The following E2F7 variants were observed in gnomAD, a reference collection of about 807,000 sequenced individuals.
The protein encoded by E2F7 is E2F transcription factor 7.
A neutral mutation model predicts 81.1 loss-of-function variants in E2F7; 35 were observed. That is an observed-to-expected ratio of 0.43 (90% CI 0.33 to 0.57). The LOEUF (loss-of-function observed/expected upper bound fraction) is 0.57. E2F7 is among the 20% of genes least tolerant of loss of function. The pLI is 0.04. For missense variants in E2F7, 961 were observed against 1,093.7 expected, an observed-to-expected ratio of 0.88 and a Z score of 1.71; for synonymous variants, 416 against 416.2, an observed-to-expected ratio of 1.00 and a Z score of 0.01.
rs1954710633 is a variant in E2F7, at chr12:77,021,539, A to T, written c.*2476T>A. ...AAATACAGAAATAGCACCTTACAAA[A>T]AGGAATTGAGAAATGTAAACTTGGT... On this transcript the variant is annotated 3_prime_UTR_variant, in exon 13 of 13. Coordinates refer to ENST00000322886, the MANE Select transcript of E2F7 (RefSeq NM_203394.3). The T allele has an allele frequency of 6.6e-6, 1 of 152,614 alleles. No homozygotes were observed. The highest frequency in any genetic ancestry group is 1.5e-5 in the Non-Finnish European group (1 of 68,022). The allele number at this position is 152,614 out of a possible 1,614,324, so 9.5% of individuals were successfully genotyped here.
intron 3 of E2F7, among the ~76,000 whole-genome samples, chr12:77,052,781 G>A (rs1242821830): frequency 6.6e-6 from 1 of 151,778 alleles, no homozygotes; most frequent in Admixed American, 6.6e-5. Context: ...TATAATAAAG[G>A]TTTAGTATCA....
chr12:77,029,121 C>T (rs1395480078), intron 10 of E2F7, among the ~76,000 whole-genome samples: 1 of 152,210 alleles, frequency 6.6e-6, no homozygotes, highest in Non-Finnish European at 1.5e-5. Context: ...CAGTCTTTCA[C>T]TTCTGATCTG....
At chr12:77,052,151 T>C (rs1159452096) in intron 3 of E2F7, among the ~76,000 whole-genome samples, 1 of 152,116 alleles carries the variant, frequency 6.6e-6, no homozygotes, top group Non-Finnish European at 1.5e-5. Context: ...TAAAATTTAG[T>C]GAAATATATT....
chr12:77,025,422 CTCTAGGTCTACA>C, intron 12 of E2F7, 124 bp downstream of exon 12: 9 of 913,250 alleles, frequency 9.9e-6, no homozygotes, highest in Non-Finnish European at 1.3e-5. Flanking sequence ...GAGCAGATAA[CTCTAGGTCTACA>C]ACGGAAGCCA....
intron 9 of E2F7, among the ~76,000 whole-genome samples, chr12:77,032,362 C>G (rs1210676478): frequency 1.3e-5 from 2 of 152,210 alleles, no homozygotes; most frequent in East Asian, 3.8e-4. Context: ...GACAGCAAAA[C>G]GAGCCAGGCT....
chr12:77,028,032 T>C lies in E2F7; in HGVS notation c.1991A>G (p.Glu664Gly). The C allele has an allele frequency of 6.2e-7, 1 of 1,614,222 alleles. No homozygotes were observed. Among genetic ancestry groups the C allele is most frequent in the Non-Finnish European group, 8.5e-7 (1 of 1,180,040 alleles). The change falls in exon 11 of 13, where the codon GAG (glutamate) becomes GGG (glycine). Residue 664 changes from glutamate (E) to glycine (G), a missense_variant. Glu to Gly is a moderately conservative substitution (Grantham distance 98, BLOSUM62 -2). Transcript: ENST00000322886. Reference sequence around the variant, plus strand: ...GTTTGCTGTTGCCTTTCCTGAAATCTCTTCTGCAGCAGGGAGTTGGCCATT... The same window carrying C: ...GTTTGCTGTTGCCTTTCCTGAAATCCCTTCTGCAGCAGGGAGTTGGCCATT... ...HVNGQLPAAE[E>G]ISGKATANSL...
chr12:77,022,542 T>C lies in E2F7; in HGVS notation c.*1473A>G, dbSNP rs537774681. 2.0e-5 allele frequency: 3 copies of C among 152,564 alleles called. No homozygotes were observed. The South Asian group carries it at 6.2e-4, about 32-fold the overall frequency. The allele number at this position is 152,564 out of a possible 1,614,324, so 9.5% of individuals were successfully genotyped here. A position where few individuals can be genotyped will look rare whatever the true frequency, so the allele number is the denominator to read the frequency against. On this transcript the variant is annotated 3_prime_UTR_variant, in exon 13 of 13. Transcript: ENST00000322886. ...AATATTTTCATTCTTTCATATAACA[T>C]TTTATTGGGTCAAAAAATAAAAATA...
In E2F7 at chr12:77,030,026, C is replaced by T. The variant is rs200833519; in HGVS notation, c.1689G>A (p.Glu563=). The T allele has an allele frequency of 6.2e-7, 1 of 1,614,206 alleles. No individual in the cohort carries two copies. Among genetic ancestry groups the T allele is most frequent in the East Asian group, 2.2e-5 (1 of 44,880 alleles). Residue 563 remains glutamate (E), a synonymous_variant, in exon 10 of 13, where the codon GAG becomes GAA. Coordinates refer to ENST00000322886, the MANE Select transcript of E2F7 (RefSeq NM_203394.3). The stretch of plus-strand genomic sequence containing the variant: ...CTGACCCTGACCCTGACGCTGGTCC[C>T]TCCTGCAGACTTCCATACAGCATGA... ...SLFMLYGSLQ[E]GPASGSGSER... is the part of the protein sequence containing the mutation.
chr12:77,062,705 C>T (rs1352597809), intron 2 of E2F7, among the ~76,000 whole-genome samples: 1 of 152,026 alleles, frequency 6.6e-6, no homozygotes, highest in Non-Finnish European at 1.5e-5. Flanking sequence ...AAGTCATTGA[C>T]CCAGAGGAAG....
chr12:77,057,189 A>G (rs1042526751), intron 2 of E2F7, among the ~76,000 whole-genome samples: 3 of 152,026 alleles, frequency 2.0e-5, no homozygotes, highest in African/African-American at 7.3e-5. Flanking sequence ...AAGTGCTGGG[A>G]TTTCCAGTGG....
intron 2 of E2F7, among the ~76,000 whole-genome samples, chr12:77,061,785 C>T (rs1479143740): frequency 6.6e-6 from 1 of 152,176 alleles, no homozygotes; most frequent in Non-Finnish European, 1.5e-5. Context: ...CAACTCAGCA[C>T]CACTAGCTTC....
At chr12:77,044,817 A>C (rs773493333) in intron 5 of E2F7, 22 bp from the exon 6 acceptor site, 1 of 1,610,390 alleles carries the variant, frequency 6.2e-7, no homozygotes, top group Non-Finnish European at 8.5e-7. Flanking sequence ...ATGAAACAAA[A>C]GCATCAAAGT....
intron 7 of E2F7, among the ~76,000 whole-genome samples, chr12:77,035,035 CTG>C (rs1384645327): frequency 6.6e-6 from 1 of 152,198 alleles, no homozygotes; most frequent in East Asian, 1.9e-4. Flanking sequence ...ATGCATAAAA[CTG>C]TGGCTCTCAA....
chr12:77,056,823 G>C (rs980106491), intron 2 of E2F7, among the ~76,000 whole-genome samples: 10 of 151,716 alleles, frequency 6.6e-5, no homozygotes, highest in Admixed American at 4.6e-4. Context: ...AACAAGAAGA[G>C]ACCACTAATC....
At chr12:77,043,284 T>G in intron 6 of E2F7, 85 bp from the exon 7 acceptor site, 1 of 1,581,712 alleles carries the variant, frequency 6.3e-7, no homozygotes, top group South Asian at 1.1e-5. Context: ...TTTTCTCGGC[T>G]GCCATATAAA....
chr12:77,053,581 C>T (rs1019121522), intron 3 of E2F7, among the ~76,000 whole-genome samples: 1 of 152,154 alleles, frequency 6.6e-6, no homozygotes, highest in African/African-American at 2.4e-5. Context: ...AGAACCACTG[C>T]CCAAGGCAAA....
At chr12:77,030,814 C>A (rs1429319317) in intron 9 of E2F7, among the ~76,000 whole-genome samples, 2 of 152,086 alleles carry the variant, frequency 1.3e-5, no homozygotes, top group African/African-American at 4.8e-5. Context: ...AGCTGGGCCC[C>A]ATGCCCACAT....
intron 3 of E2F7, among the ~76,000 whole-genome samples, chr12:77,052,051 G>A (rs377519319): frequency 5.3e-5 from 8 of 152,218 alleles, no homozygotes; most frequent in African/African-American, 1.9e-4. Context: ...CATCATTTAC[G>A]AAAGCAACAA....
chr12:77,050,538 A>G, intron 4 of E2F7, 38 bp downstream of exon 4: 1 of 1,603,706 alleles, frequency 6.2e-7, no homozygotes, highest in African/African-American at 1.3e-5. Context: ...TCCCACTGTA[A>G]CTGGAGACAG....
Sources: gnomAD v4.1 joint callset for allele counts (sites outside exome capture counted in the v4.1 genomes callset) on GRCh38, gnomAD v4.1.1 for gene constraint, MANE v1.5 for transcripts, NCBI Gene and HGNC (gene_info 2026-07-23, HGNC 2026-07-21) for gene names.